MAGI2: variants seen among roughly 807,000 people sequenced by gnomAD.
The protein encoded by MAGI2 is membrane associated guanylate kinase, WW and PDZ domain containing 2.
In MAGI2, 35 loss-of-function variants were observed where a neutral mutation model predicts 133.3. The ratio of observed to expected loss-of-function variants is 0.26; its 90% CI spans 0.20 to 0.35. MAGI2 has a LOEUF of 0.35. Ranked by LOEUF, MAGI2 falls within the 10% of genes least tolerant of loss-of-function variation. MAGI2 has a pLI of 1.00. For synonymous variants in MAGI2, 729 were observed against 710.6 expected (o/e 1.03, Z -0.41); for missense variants, 1,636 against 1,863.4 (o/e 0.88, Z 2.25).
chr7:79,251,365 A>G (rs1833255497), intron 1 of MAGI2, among the ~76,000 whole-genome samples: 1 of 152,174 alleles, frequency 6.6e-6, no homozygotes, highest in Non-Finnish European at 1.5e-5. Context: ...ACCAGAATAT[A>G]TAAGGAGTTC....
At chr7:78,415,964 A>C (rs1021721969) in intron 6 of MAGI2, among the ~76,000 whole-genome samples, 1 of 152,054 alleles carries the variant, frequency 6.6e-6, no homozygotes, top group Admixed American at 6.6e-5. Context: ...CTGGGAGGCA[A>C]ATCTATTGGT....
At chr7:78,420,608 T>C (rs1471346047) in intron 6 of MAGI2, among the ~76,000 whole-genome samples, 2 of 152,000 alleles carry the variant, frequency 1.3e-5, no homozygotes, top group East Asian at 1.9e-4. Flanking sequence ...TCCTATTTCA[T>C]TGACACTTTC....
intron 1 of MAGI2, among the ~76,000 whole-genome samples, chr7:79,265,060 G>C (rs1834348125): frequency 6.6e-6 from 1 of 152,088 alleles, no homozygotes; most frequent in Non-Finnish European, 1.5e-5. Flanking sequence ...ATGAGGTTTA[G>C]AGCAGACAAA....
At chr7:78,868,815 G>A (rs1047036246) in intron 2 of MAGI2, among the ~76,000 whole-genome samples, 6 of 151,822 alleles carry the variant, frequency 4.0e-5, no homozygotes, top group Admixed American at 6.6e-5. Context: ...GTGCAGTGGC[G>A]AGATCTCGGC....
At chr7:79,449,664 G>A (rs1849100148) in intron 1 of MAGI2, among the ~76,000 whole-genome samples, 1 of 151,674 alleles carries the variant, frequency 6.6e-6, no homozygotes, top group Non-Finnish European at 1.5e-5. Flanking sequence ...TACATACTTT[G>A]GTGAGGAAAG....
At chr7:78,987,074 C>T (rs955918930) in intron 2 of MAGI2, among the ~76,000 whole-genome samples, 2 of 151,998 alleles carry the variant, frequency 1.3e-5, no homozygotes, top group African/African-American at 4.8e-5. Flanking sequence ...AGAAAATTCT[C>T]AGAGTGGAAA....
chr7:78,388,574 T>C (rs1795619161), intron 6 of MAGI2, among the ~76,000 whole-genome samples: 1 of 152,124 alleles, frequency 6.6e-6, no homozygotes, highest in Admixed American at 6.5e-5. Context: ...GAACTTGGCT[T>C]GAAGGGGTTG....
At chr7:78,307,888 G>A (rs1798373122) in intron 9 of MAGI2, among the ~76,000 whole-genome samples, 1 of 152,112 alleles carries the variant, frequency 6.6e-6, no homozygotes, top group African/African-American at 2.4e-5. Context: ...TTGAAAAGAG[G>A]GGCCCTCATT....
intron 14 of MAGI2, among the ~76,000 whole-genome samples, chr7:78,177,315 G>A (rs139717392): frequency 6.6e-6 from 1 of 152,230 alleles, no homozygotes; most frequent in African/African-American, 2.4e-5. Flanking sequence ...TTTACAATGA[G>A]TGTTTTATAG....
chr7:78,666,036 C>G (rs73380209), intron 2 of MAGI2, among the ~76,000 whole-genome samples: 2,325 of 152,202 alleles, frequency 0.015, 65 homozygotes, highest in African/African-American at 0.053. Flanking sequence ...CAGTTTCCAA[C>G]TGAAAACTGA....
intron 1 of MAGI2, among the ~76,000 whole-genome samples, chr7:79,291,309 C>G (rs1243038830): frequency 6.6e-6 from 1 of 152,060 alleles, no homozygotes. Flanking sequence ...TTTATCCATT[C>G]ATCCATTGAT....
At chr7:79,334,908 CA>C (rs1840332023) in intron 1 of MAGI2, among the ~76,000 whole-genome samples, 1 of 152,090 alleles carries the variant, frequency 6.6e-6, no homozygotes, top group Admixed American at 6.5e-5. Context: ...TCATTATAAA[CA>C]ATTTTCATGG....
rs141228135 is a variant in MAGI2 at position 78,265,615 on chromosome 7, T to C, written c.1409-9034A>G. ...GCAAGATAAAAATGTAGCATTCCCC[T>C]GTACTCTTCTGTGGGTTATGGACAC... On this transcript the variant is annotated intron_variant, in intron 9 of 21. Transcript: ENST00000354212. Among the ~76,000 whole-genome samples the C allele has an allele frequency of 2.0e-3, 307 of 152,346 alleles. 2 individuals are homozygous for C. Among genetic ancestry groups the C allele is most frequent in the African/African-American group, 6.9e-3 (289 of 41,588 alleles).
chr7:78,824,995 T>G (rs1233559070), intron 2 of MAGI2, among the ~76,000 whole-genome samples: 2 of 151,880 alleles, frequency 1.3e-5, no homozygotes, highest in Non-Finnish European at 1.5e-5. Context: ...ATGTTCTCAC[T>G]CATAAGTGGG....
intron 20 of MAGI2, among the ~76,000 whole-genome samples, chr7:78,084,161 T>G (rs553338520): frequency 6.3e-4 from 96 of 152,348 alleles, no homozygotes; most frequent in African/African-American, 2.2e-3. Flanking sequence ...TAACTAGGTA[T>G]GAGGAATTGA....
At chr7:79,040,252 T>C (rs543285533) in intron 1 of MAGI2, among the ~76,000 whole-genome samples, 1 of 152,186 alleles carries the variant, frequency 6.6e-6, no homozygotes, top group Admixed American at 6.5e-5. Context: ...GAAGGTGCCA[T>C]GCTTCCCCTT....
intron 1 of MAGI2, among the ~76,000 whole-genome samples, chr7:79,086,658 C>G (rs369888627): frequency 5.5e-4 from 84 of 151,804 alleles, no homozygotes; most frequent in African/African-American, 1.9e-3. Context: ...AATGTGATCT[C>G]GCTTTCTTAT....
Position 78,956,290 on chromosome 7 carries a change from G to T in MAGI2, c.418+50800C>A, listed in dbSNP as rs746727672. Among the ~76,000 whole-genome samples the T allele has an allele frequency of 4.6e-5, 7 of 152,196 alleles. No individual in the cohort carries two copies. In the South Asian group the frequency reaches 8.3e-4, roughly 18 times the overall value. On this transcript the variant is annotated intron_variant, in intron 2 of 21. Transcript: ENST00000354212. ...TATTTGCATTATGTTAATAAATGCAGATTTTATTTTTAAAAATACCCCTCT... is the reference window on the plus strand; with the variant it reads ...TATTTGCATTATGTTAATAAATGCATATTTTATTTTTAAAAATACCCCTCT...
intron 16 of MAGI2, among the ~76,000 whole-genome samples, chr7:78,145,048 A>G (rs1023280554): frequency 2.0e-5 from 3 of 152,140 alleles, no homozygotes; most frequent in Non-Finnish European, 4.4e-5. Context: ...GCAGCTTTCT[A>G]AGAAATTATG....
Sources: gnomAD v4.1 joint callset for allele counts (sites outside exome capture counted in the v4.1 genomes callset) on GRCh38, gnomAD v4.1.1 for gene constraint, MANE v1.5 for transcripts, NCBI Gene and HGNC (gene_info 2026-07-23, HGNC 2026-07-21) for gene names.